Variants in EPHA10 observed in about 807,000 individuals in gnomAD.
The protein encoded by EPHA10 is ephrin type-A receptor 10.
EPHA10 carries 120 observed loss-of-function variants against 109.7 expected under a neutral mutation model. The observed-to-expected ratio is 1.09, with a 90% CI of 0.94 to 1.27. The LOEUF (loss-of-function observed/expected upper bound fraction) is 1.27. Among genes scored for constraint, EPHA10 ranks in the 50% most tolerant of loss-of-function variants. EPHA10 has a pLI of 0.00. For synonymous variants in EPHA10, 640 were observed against 618.9 expected, an observed-to-expected ratio of 1.03 and a Z score of -0.51; for missense variants, 1,396 against 1,411.1, an observed-to-expected ratio of 0.99 and a Z score of 0.17.
At position 37,717,946 on chromosome 1, in the gene EPHA10, G is replaced by A. The variant is rs1036912541; in HGVS notation, c.*426C>T. ...AGAAGAAGACCCCCCCAGGACCCAC[G>A]CTGTCTGACTGGTCAATGGGTCTGT... is the stretch of plus-strand genomic sequence containing the variant. On this transcript the variant is annotated 3_prime_UTR_variant, in exon 17 of 17. Coordinates refer to ENST00000373048, the MANE Select transcript of EPHA10 (RefSeq NM_001099439.2). The A allele has an allele frequency of 2.0e-5, 5 of 248,912 alleles. No individual in the cohort carries two copies. Among genetic ancestry groups the A allele is most frequent in the East Asian group, 1.8e-4 (3 of 16,860 alleles). 15.4% of individuals were successfully genotyped at this position (248,912 alleles called of 1,614,324 possible). A position where few individuals can be genotyped will look rare whatever the true frequency, so the allele number is the denominator to read the frequency against.
rs746743171 is a variant in EPHA10 at position 37,764,503 on chromosome 1, G to A, written c.106+458C>T. Among the ~76,000 whole-genome samples, 94 of 152,320 alleles carry A rather than the reference G, an allele frequency of 6.2e-4. No individual in the cohort carries two copies. The highest frequency in any genetic ancestry group is 1.1e-3 in the Non-Finnish European group (73 of 68,010). On this transcript the variant is annotated intron_variant, in intron 1 of 16. Transcript: ENST00000373048. This position sits in a 1 kb window ranked among gnomAD's most constrained non-coding sequence, Gnocchi z 5.8. Reference sequence around the variant, plus strand: ...ATGATCAGCACGTCGGGCAGCGCCCGGATCCAGCCCCCTCGACCAGCATTC... The same window carrying A: ...ATGATCAGCACGTCGGGCAGCGCCCAGATCCAGCCCCCTCGACCAGCATTC...
At chr1:37,745,831 C>A (rs1272419012) in intron 5 of EPHA10, among the ~76,000 whole-genome samples, 1 of 152,152 alleles carries the variant, frequency 6.6e-6, no homozygotes, top group African/African-American at 2.4e-5. Context: ...GCCTGGGTGA[C>A]AGAGGAAGAC....
In EPHA10 at chr1:37,738,712, T is replaced by C. The variant is rs113789012; in HGVS notation, c.1358-3322A>G. Among the ~76,000 whole-genome samples, 634 of 152,330 alleles carry C rather than the reference T, an allele frequency of 4.2e-3. 7 individuals are homozygous for C. Among genetic ancestry groups the C allele is most frequent in the East Asian group, 0.026 (137 of 5,194 alleles). The stretch of plus-strand genomic sequence containing the variant: ...AAGAGATACTGCTCACCCATGTTCA[T>C]TGCAGCATTATTCACAACAGCCAAG... On this transcript the variant is annotated intron_variant, in intron 5 of 16. Transcript: ENST00000373048.
chr1:37,756,328 C>T (rs974427597), intron 3 of EPHA10, among the ~76,000 whole-genome samples: 4 of 152,156 alleles, frequency 2.6e-5, no homozygotes, highest in African/African-American at 7.2e-5. Flanking sequence ...ATGATCTGTT[C>T]GCAGGGTTTC....
intron 5 of EPHA10, among the ~76,000 whole-genome samples, chr1:37,752,536 G>A (rs1646343274): frequency 6.6e-6 from 1 of 152,174 alleles, no homozygotes; most frequent in Admixed American, 6.5e-5. Flanking sequence ...GCCAACTGCA[G>A]AGCCGTGAGC....
chr1:37,759,861 T>C (rs115573604), intron 3 of EPHA10, among the ~76,000 whole-genome samples: 11 of 151,732 alleles, frequency 7.2e-5, no homozygotes, highest in Non-Finnish European at 1.6e-4. Flanking sequence ...GTGCATACCA[T>C]GGGGTAAGTA....
At position 37,761,414 on chromosome 1, in the gene EPHA10, A is replaced by T. The variant is rs4653328; in HGVS notation, c.841T>A (p.Phe281Ile). The T allele has an allele frequency of 0.3, 480,164 of 1,599,294 alleles. 74,555 individuals are homozygous for T. The highest frequency in any genetic ancestry group is 0.41 in the East Asian group (18,316 of 44,766). ...CCAGCCAACTGGATACCTTCGCAGA[A>T]GTCACCACGCTCCTGGAATCCCGCG... The part of the protein sequence containing the change: ...CSAGFQERGD[F>I]CEACPPGFYK... The change falls in exon 3 of 17, where the codon TTC (phenylalanine) becomes ATC (isoleucine). Residue 281 changes from phenylalanine to isoleucine, a missense_variant. By Grantham distance (21) the Phe-to-Ile change is conservative (BLOSUM62 0). Coordinates refer to ENST00000373048, the MANE Select transcript of EPHA10 (RefSeq NM_001099439.2).
chr1:37,724,675 A>G (rs998354403), intron 8 of EPHA10, among the ~76,000 whole-genome samples: 9 of 152,162 alleles, frequency 5.9e-5, no homozygotes, highest in African/African-American at 9.7e-5. Context: ...GAGTTTCCGA[A>G]GTTTTCACAA....
intron 6 of EPHA10, 94 bp downstream of exon 6, chr1:37,735,163 C>A: frequency 6.7e-7 from 1 of 1,491,168 alleles, no homozygotes; most frequent in Non-Finnish European, 9.1e-7. Context: ...AAGGGAGTAA[C>A]GAGGGCTTTT....
chr1:37,725,751 G>A (rs1011397539), intron 8 of EPHA10, among the ~76,000 whole-genome samples: 3 of 152,122 alleles, frequency 2.0e-5, no homozygotes, highest in Non-Finnish European at 4.4e-5. Context: ...ATGGAGGAGC[G>A]AAAGAGGGTG....
intron 5 of EPHA10, among the ~76,000 whole-genome samples, chr1:37,740,693 GCATACACACA>G (rs1314263697): frequency 1.1e-4 from 17 of 151,732 alleles, no homozygotes; most frequent in Admixed American, 1.1e-3. Context: ...ATGAACAGCA[GCATACACACA>G]CATACACACA....
Position 37,719,913 on chromosome 1 carries a change from T to C in EPHA10, c.2558A>G (p.Gln853Arg), listed in dbSNP as rs750260220. The stretch of plus-strand genomic sequence containing the variant: ...CTGGAGCCACGGGTTACTCACGTCT[T>C]GGCCAGACATGTCCCAGTAAGGCCG... ...GERPYWDMSG[Q>R]DVIKAVEDGF... Residue 853 changes from glutamine to arginine, a missense_variant, in exon 14 of 17, where the codon CAA becomes CGA. Coordinates refer to ENST00000373048, the MANE Select transcript of EPHA10 (RefSeq NM_001099439.2). The C allele has an allele frequency of 3.1e-5, 50 of 1,613,818 alleles. 1 individual carries two copies. The highest frequency in any genetic ancestry group is 4.0e-5 in the Non-Finnish European group (47 of 1,180,036).
chr1:37,756,551 A>C (rs1646393716), intron 3 of EPHA10: 1 of 152,346 alleles, frequency 6.6e-6, no homozygotes, highest in Admixed American at 6.5e-5. Context: ...GAGATAATCT[A>C]GCTCAGCTCC....
intron 10 of EPHA10, chr1:37,722,066 G>A: frequency 4.2e-6 from 2 of 474,290 alleles, no homozygotes; most frequent in Non-Finnish European, 7.5e-6. Flanking sequence ...AGGAGGCAGA[G>A]GTTTCAGTGA....
intron 1 of EPHA10, among the ~76,000 whole-genome samples, chr1:37,763,796 C>T (rs1200959305): frequency 6.6e-6 from 1 of 152,338 alleles, no homozygotes; most frequent in Non-Finnish European, 1.5e-5. Context: ...CATTTTTAGA[C>T]TGACTCCCGG....
Position 37,717,568 on chromosome 1 carries a change from G to A in EPHA10, c.*804C>T, listed in dbSNP as rs573476081. On this transcript the variant is annotated 3_prime_UTR_variant, in exon 17 of 17. Coordinates refer to ENST00000373048, the MANE Select transcript of EPHA10 (RefSeq NM_001099439.2). ...AGAAAAGCTCTTGGGTCCCTGGGGA[G>A]ATAACATGGCCCTTTATGCTTTTCC... The A allele has an allele frequency of 2.2e-5, 5 of 231,722 alleles. No homozygotes were observed. Among genetic ancestry groups the A allele is most frequent in the South Asian group, 1.8e-4 (1 of 5,522 alleles). 14.4% of individuals were successfully genotyped at this position (231,722 alleles called of 1,614,324 possible). A position where few individuals can be genotyped will look rare whatever the true frequency, so the allele number is the denominator to read the frequency against.
chr1:37,761,304 C>T (rs57449203), intron 3 of EPHA10, 101 bp downstream of exon 3: 48,152 of 1,546,286 alleles, frequency 0.031, 4,541 homozygotes, highest in African/African-American at 0.29. Context: ...TCTCCACCGC[C>T]CCCCGACCCC....
At chr1:37,749,760 T>C (rs1465977035) in intron 5 of EPHA10, among the ~76,000 whole-genome samples, 2 of 152,108 alleles carry the variant, frequency 1.3e-5, no homozygotes, top group East Asian at 3.8e-4. Context: ...GATGGGAAGA[T>C]GTTCTCAGAA....
In EPHA10 at chr1:37,720,715, A is replaced by T; in HGVS notation, c.2208+68T>A. ...ATGCCAATTCCAAGCCCTACCAAAG[A>T]GAAAAGTGAGGGACCCCTGCCCGCT... On this transcript the variant is annotated intron_variant, in intron 12 of 16. Transcript: ENST00000373048. 4 of 1,588,752 alleles carry T rather than the reference A, an allele frequency of 2.5e-6. No individual in the cohort carries two copies. In the South Asian group the frequency reaches 4.4e-5, roughly 18 times the overall value.
Sources: gnomAD v4.1 joint callset for allele counts (sites outside exome capture counted in the v4.1 genomes callset) on GRCh38, gnomAD v4.1.1 for gene constraint, Gnocchi (gnomAD v3.1) non-coding constraint, MANE v1.5 for transcripts, NCBI Gene and HGNC (gene_info 2026-07-23, HGNC 2026-07-21) for gene names.